The following PAK5 variants were observed in gnomAD, a reference collection of about 807,000 sequenced individuals.
PAK5 encodes the protein serine/threonine-protein kinase PAK 5.
In PAK5, 16 loss-of-function variants were observed where a neutral mutation model predicts 65.9. The ratio of observed to expected loss-of-function variants is 0.24; its 90% CI spans 0.16 to 0.37. The LOEUF (loss-of-function observed/expected upper bound fraction) is 0.37, where lower values mean the gene tolerates loss of function less well. PAK5 is among the 10% of genes least tolerant of loss of function. PAK5 has a pLI of 1.00. For missense variants in PAK5, 785 were observed against 903.9 expected (o/e 0.87, Z 1.69); for synonymous variants, 371 against 354.9 (o/e 1.05, Z -0.51).
At chr20:9,793,223 C>T (rs1352350100) in intron 1 of PAK5, among the ~76,000 whole-genome samples, 1 of 152,092 alleles carries the variant, frequency 6.6e-6, no homozygotes, top group Non-Finnish European at 1.5e-5. Flanking sequence ...GTGCTAACTT[C>T]CTGGAGATAT....
At chr20:9,559,787 AT>A (rs1434747679) in intron 6 of PAK5, among the ~76,000 whole-genome samples, 1 of 151,790 alleles carries the variant, frequency 6.6e-6, no homozygotes, top group East Asian at 1.9e-4. Flanking sequence ...GCAAAAGAGG[AT>A]TCCACAGCAC....
At chr20:9,548,142 T>C (rs2045372229) in intron 7 of PAK5, among the ~76,000 whole-genome samples, 1 of 152,126 alleles carries the variant, frequency 6.6e-6, no homozygotes, top group Non-Finnish European at 1.5e-5. Context: ...CTGCACACAC[T>C]AAAACCATTC....
At chr20:9,558,324 C>G (rs575723532) in intron 6 of PAK5, among the ~76,000 whole-genome samples, 1 of 152,110 alleles carries the variant, frequency 6.6e-6, no homozygotes, top group South Asian at 2.1e-4. Flanking sequence ...ATTGGCCAGC[C>G]TGGTCTTGAA....
intron 1 of PAK5, among the ~76,000 whole-genome samples, chr20:9,717,151 T>C (rs192564766): frequency 4.8e-4 from 73 of 152,100 alleles, no homozygotes; most frequent in African/African-American, 1.7e-3. Context: ...ATAACAGCTA[T>C]ACCATTCTGA....
intron 2 of PAK5, among the ~76,000 whole-genome samples, chr20:9,656,199 G>A (rs1248695749): frequency 6.6e-6 from 1 of 152,162 alleles, no homozygotes; most frequent in Non-Finnish European, 1.5e-5. Context: ...CAAGCCGTAA[G>A]CCCCTTAATT....
intron 2 of PAK5, among the ~76,000 whole-genome samples, chr20:9,689,533 A>G (rs67881322): frequency 0.15 from 22,635 of 152,104 alleles, 1,872 homozygotes; most frequent in Non-Finnish European, 0.18. Flanking sequence ...CAAACCAATA[A>G]TTACTCGTTT....
At chr20:9,736,520 C>T (rs1180440951) in intron 1 of PAK5, among the ~76,000 whole-genome samples, 1 of 152,070 alleles carries the variant, frequency 6.6e-6, no homozygotes, top group Non-Finnish European at 1.5e-5. Context: ...TGACCTCAAG[C>T]CCAGTCATAA....
intron 3 of PAK5, among the ~76,000 whole-genome samples, chr20:9,623,963 C>T (rs975037494): frequency 2.0e-5 from 3 of 152,074 alleles, no homozygotes; most frequent in Admixed American, 2.0e-4. Flanking sequence ...ACACTGGTAC[C>T]GTCATTCTGG....
intron 2 of PAK5, among the ~76,000 whole-genome samples, chr20:9,678,686 A>G (rs1233790273): frequency 6.6e-6 from 1 of 152,132 alleles, no homozygotes; most frequent in African/African-American, 2.4e-5. Context: ...ATTATGGCAG[A>G]AGGGGAAGCA....
At chr20:9,643,900 G>A (rs926004211) in intron 3 of PAK5, among the ~76,000 whole-genome samples, 2 of 152,286 alleles carry the variant, frequency 1.3e-5, no homozygotes, top group South Asian at 2.1e-4. Flanking sequence ...TGTTTTATGT[G>A]TCTGATTATT....
intron 1 of PAK5, among the ~76,000 whole-genome samples, chr20:9,797,626 C>T (rs908656460): frequency 1.1e-4 from 16 of 150,336 alleles, no homozygotes; most frequent in Non-Finnish European, 2.1e-4. Flanking sequence ...GCACATGTAC[C>T]CTAGAACTTA....
At chr20:9,618,869 AG>A (rs1235819348) in intron 3 of PAK5, among the ~76,000 whole-genome samples, 1 of 145,150 alleles carries the variant, frequency 6.9e-6, no homozygotes, top group East Asian at 2.1e-4. Context: ...GAAGAAAGGA[AG>A]GTAGAAAGTG....
chr20:9,632,869 T>C (rs1179546869), intron 3 of PAK5, among the ~76,000 whole-genome samples: 3 of 152,196 alleles, frequency 2.0e-5, no homozygotes, highest in Non-Finnish European at 4.4e-5. Flanking sequence ...AGTGATGTGG[T>C]GATTACAAGC....
At chr20:9,719,389 C>G (rs1240463694) in intron 1 of PAK5, among the ~76,000 whole-genome samples, 1 of 152,136 alleles carries the variant, frequency 6.6e-6, no homozygotes, top group Non-Finnish European at 1.5e-5. Flanking sequence ...TAATAAAACT[C>G]AGTTTTTGAA....
At chr20:9,595,046 T>C (rs2046238227) in intron 3 of PAK5, among the ~76,000 whole-genome samples, 2 of 151,702 alleles carry the variant, frequency 1.3e-5, no homozygotes, top group Non-Finnish European at 2.9e-5. Context: ...TTTAGATGTG[T>C]GTGTGCATAT....
intron 2 of PAK5, among the ~76,000 whole-genome samples, chr20:9,696,471 C>A (rs893136001): frequency 6.6e-6 from 1 of 152,028 alleles, no homozygotes; most frequent in South Asian, 2.1e-4. Flanking sequence ...GAAGCAGAAG[C>A]ATTTTGGGGG....
intron 6 of PAK5, 137 bp from the exon 7 acceptor site, chr20:9,557,871 G>A: frequency 1.8e-6 from 1 of 566,564 alleles, no homozygotes; most frequent in Non-Finnish European, 3.0e-6. Flanking sequence ...GCAGACAAGG[G>A]AAGGAAGTCT....
At chr20:9,601,688 T>C (rs1004354169) in intron 3 of PAK5, among the ~76,000 whole-genome samples, 1 of 152,150 alleles carries the variant, frequency 6.6e-6, no homozygotes, top group Non-Finnish European at 1.5e-5. Flanking sequence ...ACGTGTCTTG[T>C]TTTGGCCACT....
chr20:9,813,642 G>A (rs2123759502), intron 1 of PAK5, among the ~76,000 whole-genome samples: 1 of 152,172 alleles, frequency 6.6e-6, no homozygotes, highest in South Asian at 2.1e-4. Context: ...ACAGTGGAAT[G>A]CTATATAGCA....
Sources: gnomAD v4.1 joint callset for allele counts (sites outside exome capture counted in the v4.1 genomes callset) on GRCh38, gnomAD v4.1.1 for gene constraint, MANE v1.5 for transcripts, NCBI Gene and HGNC (gene_info 2026-07-23, HGNC 2026-07-21) for gene names.